Variants in CCDC60 observed in about 807,000 individuals in gnomAD.
The protein encoded by CCDC60 is coiled-coil domain-containing protein 60.
A neutral mutation model predicts 63.5 loss-of-function variants in CCDC60; 54 were observed. That is an observed-to-expected ratio of 0.85 (90% CI 0.68 to 1.07). The LOEUF (loss-of-function observed/expected upper bound fraction) is 1.07, where lower values mean the gene tolerates loss of function less well. Ranked by LOEUF, CCDC60 falls within the 50% of genes least tolerant of loss-of-function variation. The pLI is 0.00. For missense variants in CCDC60, 651 were observed against 684.3 expected (o/e 0.95, Z 0.54); for synonymous variants, 206 against 238.8 (o/e 0.86, Z 1.27).
intron 1 of CCDC60, among the ~76,000 whole-genome samples, chr12:119,415,963 G>C (rs1367330026): frequency 3.3e-5 from 5 of 152,154 alleles, no homozygotes; most frequent in Non-Finnish European, 5.9e-5. Context: ...GGATTGGAGG[G>C]TACTGAGCTC....
In CCDC60 at chr12:119,442,589, TAAAC is replaced by T. The variant is rs557635409; in HGVS notation, c.170+13830_170+13833del. Among the ~76,000 whole-genome samples, 83 of 152,370 alleles carry T rather than the reference TAAAC, an allele frequency of 5.4e-4. 2 individuals carry two copies. The South Asian group carries it at 0.017, about 31-fold the overall frequency. ...TATATCATTTTATCTGTAAATATTT[TAAAC>T]AACTATTTAGAGAAGATAAGGACTG... On this transcript the variant is annotated intron_variant, in intron 2 of 13. Coordinates refer to ENST00000327554, the MANE Select transcript of CCDC60 (RefSeq NM_178499.5).
intron 3 of CCDC60, among the ~76,000 whole-genome samples, chr12:119,478,732 C>T (rs917893445): frequency 1.4e-4 from 22 of 151,794 alleles, no homozygotes; most frequent in African/African-American, 4.6e-4. Flanking sequence ...CTCAGCCTCC[C>T]GAGTAGCTGG....
At chr12:119,348,689 T>A (rs1271142933) in intron 1 of CCDC60, among the ~76,000 whole-genome samples, 3 of 152,240 alleles carry the variant, frequency 2.0e-5, no homozygotes, top group Non-Finnish European at 4.4e-5. Context: ...CATTTTTCAA[T>A]GCTCTTGATG....
chr12:119,439,976 A>G (rs1593089949), intron 2 of CCDC60, among the ~76,000 whole-genome samples: 2 of 149,134 alleles, frequency 1.3e-5, no homozygotes, highest in African/African-American at 5.0e-5. Flanking sequence ...AAAGCCAAAC[A>G]CCGCATGTTC....
At chr12:119,364,689 T>A (rs1451129007) in intron 1 of CCDC60, among the ~76,000 whole-genome samples, 1 of 152,176 alleles carries the variant, frequency 6.6e-6, no homozygotes, top group African/African-American at 2.4e-5. Context: ...GTGCATCTTA[T>A]AATTGATGCC....
At position 119,488,758 on chromosome 12, in the gene CCDC60, G is replaced by A. The variant is rs1309281571; in HGVS notation, c.450-1G>A. ...TGTGTTCCCTCTCTCTGTCTTTGCA[G>A]CGAGCCCCTCTTCCGCCAGCTCTGT... On this transcript the variant is annotated splice_acceptor_variant, in intron 4 of 13. Coordinates refer to ENST00000327554, the MANE Select transcript of CCDC60 (RefSeq NM_178499.5). LOFTEE classifies it high-confidence loss of function. 1 of 1,613,578 alleles carries A rather than the reference G, an allele frequency of 6.2e-7. No homozygotes were observed. The highest frequency in any genetic ancestry group is 8.5e-7 in the Non-Finnish European group (1 of 1,179,614).
rs528304328 is a variant in CCDC60 at position 119,395,522 on chromosome 12, C to T, written c.91-33161C>T. On this transcript the variant is annotated intron_variant, in intron 1 of 13. Transcript: ENST00000327554. ...TTGTGGTAACTCACTATCATGAGAA[C>T]GGCACCAGAGGGGAAATCCACCCTC... 6.6e-5 allele frequency among the ~76,000 whole-genome samples: 10 copies of T among 152,290 alleles called. No individual in the cohort carries two copies. In the East Asian group the frequency reaches 7.7e-4, roughly 12 times the overall value.
intron 2 of CCDC60, among the ~76,000 whole-genome samples, chr12:119,463,435 C>T (rs1158448417): frequency 6.6e-6 from 1 of 152,234 alleles, no homozygotes; most frequent in African/African-American, 2.4e-5. Context: ...GGGTTCAGAC[C>T]TCAGCTCTGC....
At position 119,523,587 on chromosome 12, in the gene CCDC60, C is replaced by G; in HGVS notation, c.1104-106C>G. The G allele has an allele frequency of 6.6e-6, 10 of 1,512,322 alleles. No individual in the cohort carries two copies. The East Asian group carries it at 6.9e-5, about 10-fold the overall frequency. The allele number at this position is 1,512,322 out of a possible 1,614,324, so 93.7% of individuals were successfully genotyped here. On this transcript the variant is annotated intron_variant, in intron 10 of 13. Transcript: ENST00000327554. ...AGAACCCAGGTGGCTACAGGGAGTC[C>G]CCCATGCAGAGCACCTTGGGGCTAA... is the stretch of plus-strand genomic sequence containing the variant.
At chr12:119,446,139 A>G (rs1372549656) in intron 2 of CCDC60, among the ~76,000 whole-genome samples, 1 of 152,218 alleles carries the variant, frequency 6.6e-6, no homozygotes, top group Non-Finnish European at 1.5e-5. Context: ...AAGAAACCAA[A>G]TAGAGCATTG....
intron 1 of CCDC60, among the ~76,000 whole-genome samples, chr12:119,398,690 C>T (rs1956331778): frequency 6.6e-6 from 1 of 152,364 alleles, no homozygotes; most frequent in Admixed American, 6.5e-5. Context: ...TGGTCATGGA[C>T]ACACTATTAA....
chr12:119,347,377 A>T (rs1306192166), intron 1 of CCDC60, among the ~76,000 whole-genome samples: 1 of 152,100 alleles, frequency 6.6e-6, no homozygotes, highest in East Asian at 1.9e-4. Flanking sequence ...AAATGGATTC[A>T]CTCTGAATCC....
intron 1 of CCDC60, among the ~76,000 whole-genome samples, chr12:119,403,827 TTTTA>T (rs1285008958): frequency 2.0e-5 from 3 of 151,150 alleles, no homozygotes; most frequent in African/African-American, 4.9e-5. Context: ...CTTCCTCTTC[TTTTA>T]TTTATTTTTT....
intron 1 of CCDC60, among the ~76,000 whole-genome samples, chr12:119,336,169 C>T (rs1053562006): frequency 4.0e-5 from 6 of 151,434 alleles, no homozygotes; most frequent in African/African-American, 1.5e-4. Context: ...GGGTGCAGCA[C>T]ACCAGCATGG....
chr12:119,488,895 G>C, intron 5 of CCDC60, 29 bp downstream of exon 5: 1 of 1,556,136 alleles, frequency 6.4e-7, no homozygotes, highest in Non-Finnish European at 8.9e-7. Context: ...ACTTGTCTTA[G>C]ACTAGCAGTA....
chr12:119,382,027 TGAGA>T (rs1199946586), intron 1 of CCDC60, among the ~76,000 whole-genome samples: 1 of 152,156 alleles, frequency 6.6e-6, no homozygotes, highest in Non-Finnish European at 1.5e-5. Context: ...CGTTAGTGCT[TGAGA>T]GAGAGAGATA....
intron 1 of CCDC60, among the ~76,000 whole-genome samples, chr12:119,370,056 GAC>G (rs1955882286): frequency 1.3e-5 from 2 of 152,196 alleles, no homozygotes; most frequent in Non-Finnish European, 2.9e-5. Context: ...GACCAGGCCA[GAC>G]CAGCTTTGAG....
At chr12:119,501,181 A>G (rs1042046201) in intron 6 of CCDC60, among the ~76,000 whole-genome samples, 2 of 152,244 alleles carry the variant, frequency 1.3e-5, no homozygotes, top group Non-Finnish European at 2.9e-5. Flanking sequence ...GGAAATAAAT[A>G]TAAGGCAAAC....
chr12:119,393,662 C>T (rs1238678066), intron 1 of CCDC60, among the ~76,000 whole-genome samples: 2 of 152,184 alleles, frequency 1.3e-5, no homozygotes, highest in Non-Finnish European at 2.9e-5. Context: ...GAAAGCTTTG[C>T]AAATGAAATT....
Sources: allele counts gnomAD v4.1 joint callset (sites outside exome capture counted in the v4.1 genomes callset), GRCh38; gene constraint gnomAD v4.1.1; transcripts MANE v1.5; gene names NCBI Gene and HGNC (gene_info 2026-07-23, HGNC 2026-07-21).